Variants in PDE1C observed in about 807,000 individuals in gnomAD.
PDE1C encodes dual specificity calcium/calmodulin-dependent 3',5'-cyclic nucleotide phosphodiesterase 1C.
Under a neutral mutation model 93.1 loss-of-function variants are expected in PDE1C, and 62 were observed. The ratio of observed to expected loss-of-function variants is 0.67; its 90% CI spans 0.54 to 0.82. The LOEUF (loss-of-function observed/expected upper bound fraction) is 0.82, where lower values mean the gene tolerates loss of function less well. Ranked by LOEUF, PDE1C falls within the 40% of genes least tolerant of loss-of-function variation. The pLI is 0.00. For missense variants in PDE1C, 742 were observed against 884.6 expected, an observed-to-expected ratio of 0.84 and a Z score of 2.04; for synonymous variants, 325 against 310.1, an observed-to-expected ratio of 1.05 and a Z score of -0.50.
chr7:31,836,134 T>A (rs1037430312), intron 11 of PDE1C, among the ~76,000 whole-genome samples: 13 of 152,170 alleles, frequency 8.5e-5, no homozygotes, highest in African/African-American at 3.1e-4. Context: ...ACCAAATCTA[T>A]GTATCATGTC....
At chr7:32,012,222 G>T (rs941793878) in intron 2 of PDE1C, among the ~76,000 whole-genome samples, 1 of 151,840 alleles carries the variant, frequency 6.6e-6, no homozygotes, top group Non-Finnish European at 1.5e-5. Flanking sequence ...TTGGCCTCTA[G>T]TGAGGGCCTC....
intron 1 of PDE1C, among the ~76,000 whole-genome samples, chr7:32,389,056 C>T (rs995199259): frequency 2.0e-5 from 3 of 151,718 alleles, no homozygotes; most frequent in African/African-American, 7.3e-5. Flanking sequence ...GAGTTGATTG[C>T]CATCAAATTA....
chr7:31,821,887 G>A (rs1270976128), intron 14 of PDE1C, among the ~76,000 whole-genome samples: 1 of 152,004 alleles, frequency 6.6e-6, no homozygotes, highest in East Asian at 1.9e-4. Context: ...AACACTGCTA[G>A]AACATGCTCT....
At chr7:31,902,353 T>C (rs1280879803) in intron 2 of PDE1C, among the ~76,000 whole-genome samples, 2 of 151,926 alleles carry the variant, frequency 1.3e-5, no homozygotes, top group Non-Finnish European at 3.0e-5. Flanking sequence ...GAAATGCAAT[T>C]AAAATTTCAC....
At chr7:31,870,479 G>A (rs11763203) in intron 6 of PDE1C, among the ~76,000 whole-genome samples, 39,386 of 151,780 alleles carry the variant, frequency 0.26, 5,496 homozygotes, top group Non-Finnish European at 0.31. Context: ...GAACAACTAT[G>A]TACTAACAAA....
intron 3 of PDE1C, among the ~76,000 whole-genome samples, chr7:32,141,015 G>A (rs1212812042): frequency 1.3e-5 from 2 of 152,216 alleles, no homozygotes; most frequent in Admixed American, 6.5e-5. Flanking sequence ...TAGCTTTAAG[G>A]CCAAAATTTA....
intron 7 of PDE1C, among the ~76,000 whole-genome samples, chr7:31,851,332 G>A (rs1793323058): frequency 6.6e-6 from 1 of 152,202 alleles, no homozygotes; most frequent in African/African-American, 2.4e-5. Context: ...TGCAGATGGT[G>A]TCAGCTGGGA....
chr7:31,651,367 C>T, the PDE1C span: 6 of 1,354,204 alleles, frequency 4.4e-6, no homozygotes, highest in Admixed American at 5.2e-5. Flanking sequence ...TGGAGCAGAG[C>T]TAATGAGAAA....
chr7:31,655,971 C>T, the PDE1C span: 1 of 985,438 alleles, frequency 1.0e-6, no homozygotes, highest in Non-Finnish European at 1.2e-6. Context: ...CAATTCTATT[C>T]CCCTAAACCA....
chr7:31,826,113 G>A (rs975776935), intron 12 of PDE1C, among the ~76,000 whole-genome samples: 1 of 152,182 alleles, frequency 6.6e-6, no homozygotes, highest in Non-Finnish European at 1.5e-5. Flanking sequence ...GGGGATGCTG[G>A]TAATTCATTA....
chr7:32,338,069 T>C lies in PDE1C; in HGVS notation c.310+89753A>G, dbSNP rs561353059. Among the ~76,000 whole-genome samples, 13 of 152,294 alleles carry C rather than the reference T, an allele frequency of 8.5e-5. No homozygotes were observed. The South Asian group carries it at 2.7e-3, about 32-fold the overall frequency. On this transcript the variant is annotated intron_variant, in intron 1 of 1. Transcript: ENST00000672256. ...GGACATTGGATTTGGCAATGATTCC[T>C]TAGATATGACATCGAAAGCACAGGC...
At chr7:32,410,078 C>G (rs1415482858) in intron 1 of PDE1C, among the ~76,000 whole-genome samples, 1 of 152,096 alleles carries the variant, frequency 6.6e-6, no homozygotes, top group Non-Finnish European at 1.5e-5. Context: ...GATTATATAT[C>G]TGGAAAACTC....
At chr7:32,115,792 T>C (rs1798955077) in intron 3 of PDE1C, among the ~76,000 whole-genome samples, 1 of 152,140 alleles carries the variant, frequency 6.6e-6, no homozygotes, top group South Asian at 2.1e-4. Flanking sequence ...CTCTTCTTTG[T>C]CCCCAGCTCT....
In PDE1C at chr7:32,262,747, C is replaced by T. The variant is rs551281508; in HGVS notation, c.85+35904G>A. 5.9e-5 allele frequency among the ~76,000 whole-genome samples: 9 copies of T among 152,324 alleles called. 1 individual carries two copies. The South Asian group carries it at 1.9e-3, about 32-fold the overall frequency. ...CTTTGGGAAGGGGGAGCCCCCGTAA[C>T]AACTCTTTGAACTTTCTGACAACTT... On this transcript the variant is annotated intron_variant, in intron 1 of 18. Transcript: ENST00000396193.
At chr7:32,015,682 C>T (rs952472336) in intron 2 of PDE1C, among the ~76,000 whole-genome samples, 4 of 151,916 alleles carry the variant, frequency 2.6e-5, no homozygotes, top group South Asian at 2.1e-4. Flanking sequence ...ATCTTCTATA[C>T]ATCAAAAAAT....
At chr7:32,028,368 T>C (rs975265112) in intron 2 of PDE1C, among the ~76,000 whole-genome samples, 1 of 152,132 alleles carries the variant, frequency 6.6e-6, no homozygotes, top group Non-Finnish European at 1.5e-5. Flanking sequence ...ATATGCTTCA[T>C]TATTCCTACT....
chr7:32,120,784 A>G (rs1470829897), intron 3 of PDE1C, among the ~76,000 whole-genome samples: 1 of 152,210 alleles, frequency 6.6e-6, no homozygotes, highest in East Asian at 1.9e-4. Context: ...TCAATGAAAA[A>G]AATGCTGAAA....
chr7:31,865,132 T>A (rs1426103655), intron 6 of PDE1C, 50 bp from the exon 7 acceptor site: 6 of 1,605,578 alleles, frequency 3.7e-6, no homozygotes, highest in Non-Finnish European at 5.1e-6. Flanking sequence ...CTGCTTTCAA[T>A]GGAGACACAG....
At chr7:31,713,396 G>C in the PDE1C span, among the ~76,000 whole-genome samples, 1 of 152,244 alleles carries the variant, frequency 6.6e-6, no homozygotes, top group South Asian at 2.1e-4. Context: ...GCTCTGCCCT[G>C]TGGCTTTGCA....
Sources: allele counts gnomAD v4.1 joint callset (sites outside exome capture counted in the v4.1 genomes callset), GRCh38; gene constraint gnomAD v4.1.1; transcripts MANE v1.5; gene names NCBI Gene and HGNC (gene_info 2026-07-23, HGNC 2026-07-21).